SPOCK1: variants seen among roughly 807,000 people sequenced by gnomAD.
SPOCK1 encodes the protein SPARC (osteonectin), cwcv and kazal like domains proteoglycan 1, also known as testican-1.
In SPOCK1, 23 loss-of-function variants were observed where a neutral mutation model predicts 55.3. That is an observed-to-expected ratio of 0.42 (90% CI 0.30 to 0.59). SPOCK1 has a LOEUF of 0.59. SPOCK1 is among the 20% of genes least tolerant of loss of function. SPOCK1 has a pLI of 0.22. For synonymous variants in SPOCK1, 226 were observed against 221.0 expected, an observed-to-expected ratio of 1.02 and a Z score of -0.20; for missense variants, 499 against 552.5, an observed-to-expected ratio of 0.90 and a Z score of 0.97.
intron 2 of SPOCK1, among the ~76,000 whole-genome samples, chr5:137,371,620 G>C (rs1362982245): frequency 6.6e-6 from 1 of 152,144 alleles, no homozygotes; most frequent in African/African-American, 2.4e-5. Flanking sequence ...TATAACACCA[G>C]AGAGCCCCAA....
intron 3 of SPOCK1, among the ~76,000 whole-genome samples, chr5:137,246,620 C>A (rs1283159439): frequency 6.6e-6 from 1 of 152,172 alleles, no homozygotes; most frequent in Non-Finnish European, 1.5e-5. Context: ...ATGATAGACT[C>A]TAAATTTGAT....
chr5:137,088,071 G>C (rs567713695), intron 5 of SPOCK1, among the ~76,000 whole-genome samples: 2 of 152,202 alleles, frequency 1.3e-5, no homozygotes, highest in African/African-American at 4.8e-5. Flanking sequence ...GATTCCATGT[G>C]TGTGAAGATT....
intron 6 of SPOCK1, among the ~76,000 whole-genome samples, chr5:137,049,309 G>A (rs2126996643): frequency 7.6e-6 from 1 of 131,152 alleles, no homozygotes; most frequent in Admixed American, 8.1e-5. Flanking sequence ...TTTTCACATA[G>A]TCCCATATTT....
At chr5:137,102,680 A>G (rs1753292927) in intron 5 of SPOCK1, among the ~76,000 whole-genome samples, 1 of 152,190 alleles carries the variant, frequency 6.6e-6, no homozygotes, top group Admixed American at 6.5e-5. Flanking sequence ...AGTCAGACAG[A>G]CCAGGGTTCA....
At chr5:137,023,960 A>ATTTTTTTTT (rs34202986) in intron 6 of SPOCK1, among the ~76,000 whole-genome samples, 1 of 129,884 alleles carries the variant, frequency 7.7e-6, no homozygotes, top group Non-Finnish European at 1.6e-5. Context: ...TCAATATAGT[A>ATTTTTTTTT]TTTTTTTTTT....
chr5:137,411,824 C>A (rs1244662204), intron 2 of SPOCK1, among the ~76,000 whole-genome samples: 1 of 152,214 alleles, frequency 6.6e-6, no homozygotes, highest in African/African-American at 2.4e-5. Flanking sequence ...AAATACCAAA[C>A]TTTCACTTCA....
intron 5 of SPOCK1, among the ~76,000 whole-genome samples, chr5:137,068,211 G>A (rs192657072): frequency 2.8e-4 from 43 of 152,250 alleles, no homozygotes; most frequent in Admixed American, 5.2e-4. Context: ...AGGTAACACC[G>A]CTGGAATACC....
intron 2 of SPOCK1, among the ~76,000 whole-genome samples, chr5:137,324,483 C>G (rs925267133): frequency 1.3e-5 from 2 of 151,992 alleles, no homozygotes; most frequent in Non-Finnish European, 2.9e-5. Context: ...AATGGATGAA[C>G]CTGGAAGACG....
At chr5:137,254,887 G>T (rs911020818) in intron 3 of SPOCK1, among the ~76,000 whole-genome samples, 1 of 152,220 alleles carries the variant, frequency 6.6e-6, no homozygotes, top group Admixed American at 6.5e-5. Context: ...TTAATTGAAA[G>T]CACAGATCAT....
At chr5:137,290,477 TA>T (rs1757353193) in intron 2 of SPOCK1, among the ~76,000 whole-genome samples, 1 of 152,152 alleles carries the variant, frequency 6.6e-6, no homozygotes, top group Non-Finnish European at 1.5e-5. Context: ...AGAATACAAT[TA>T]GGGGAGCATG....
intron 2 of SPOCK1, among the ~76,000 whole-genome samples, chr5:137,381,973 T>C (rs533066324): frequency 6.6e-6 from 1 of 152,352 alleles, no homozygotes; most frequent in African/African-American, 2.4e-5. Context: ...CCCTTTTAAA[T>C]ATTAGTTCCA....
intron 2 of SPOCK1, among the ~76,000 whole-genome samples, chr5:137,370,242 G>A (rs1001372486): frequency 6.6e-6 from 1 of 152,178 alleles, no homozygotes; most frequent in Admixed American, 6.5e-5. Flanking sequence ...CCAGGGGTAT[G>A]AAAGGAAACT....
chr5:137,343,987 A>C (rs998409588), intron 2 of SPOCK1, among the ~76,000 whole-genome samples: 9 of 152,340 alleles, frequency 5.9e-5, no homozygotes, highest in African/African-American at 2.2e-4. Flanking sequence ...AGGAATGCCC[A>C]GTGAACTCTT....
intron 2 of SPOCK1, among the ~76,000 whole-genome samples, chr5:137,391,621 C>T (rs560920792): frequency 6.6e-6 from 1 of 152,220 alleles, no homozygotes; most frequent in East Asian, 1.9e-4. Flanking sequence ...CCCACCAAAC[C>T]CCCGATTCAC....
intron 3 of SPOCK1, among the ~76,000 whole-genome samples, chr5:137,201,099 T>C (rs1561469962): frequency 1.3e-5 from 2 of 152,120 alleles, no homozygotes; most frequent in African/African-American, 4.8e-5. Flanking sequence ...TCCTGTTGAG[T>C]TGTCCCAGGA....
Position 136,978,687 on chromosome 5 carries a change from ATCATCC to A in SPOCK1, c.1281_1286del (p.Glu427_Asp428del), listed in dbSNP as rs745714722. On this transcript the variant is annotated inframe_deletion, in exon 11 of 11. Transcript: ENST00000394945. ...TGTACCCGACCTCATCCTCTTTGTC[ATCATCC>A]TCATCCTCATCATCCTCTGTCACGG... 2.7e-5 allele frequency: 43 copies of A among 1,612,682 alleles called. No individual in the cohort carries two copies. Among genetic ancestry groups the A allele is most frequent in the Admixed American group, 3.3e-5 (2 of 59,738 alleles).
chr5:137,071,792 C>T (rs930112343), intron 5 of SPOCK1, among the ~76,000 whole-genome samples: 3 of 152,046 alleles, frequency 2.0e-5, no homozygotes, highest in Non-Finnish European at 2.9e-5. Context: ...TTGAAGTTAC[C>T]CTCCCAATCA....
chr5:137,327,187 G>A (rs1758096952), intron 2 of SPOCK1, among the ~76,000 whole-genome samples: 1 of 152,140 alleles, frequency 6.6e-6, no homozygotes, highest in Non-Finnish European at 1.5e-5. Flanking sequence ...GGAACAGCAG[G>A]AGTGTCTGCT....
intron 2 of SPOCK1, among the ~76,000 whole-genome samples, chr5:137,391,612 C>A (rs1009587629): frequency 1.3e-5 from 2 of 152,054 alleles, no homozygotes; most frequent in African/African-American, 4.8e-5. Context: ...TCTCCCAGCC[C>A]CACCAAACCC....
Sources: gnomAD v4.1 joint callset for allele counts (sites outside exome capture counted in the v4.1 genomes callset) on GRCh38, gnomAD v4.1.1 for gene constraint, MANE v1.5 for transcripts, NCBI Gene and HGNC (gene_info 2026-07-23, HGNC 2026-07-21) for gene names.